The following DTNBP1 variants were observed in gnomAD, a reference collection of about 807,000 sequenced individuals.
The protein encoded by DTNBP1 is dystrobrevin binding protein 1.
A neutral mutation model predicts 42.8 loss-of-function variants in DTNBP1; 35 were observed. That is an observed-to-expected ratio of 0.82 (90% CI 0.63 to 1.09). DTNBP1 has a LOEUF of 1.09. Among genes scored for constraint, DTNBP1 ranks in the 50% least tolerant of loss-of-function variants. The pLI is 0.00. For synonymous variants in DTNBP1, 171 were observed against 162.2 expected (o/e 1.05, Z -0.41); for missense variants, 457 against 424.2 (o/e 1.08, Z -0.68).
At chr6:15,568,346 A>G (rs1775189744) in intron 7 of DTNBP1, among the ~76,000 whole-genome samples, 1 of 152,242 alleles carries the variant, frequency 6.6e-6, no homozygotes, top group South Asian at 2.1e-4. Context: ...ATAAAAATAC[A>G]TAGGTGTCCC....
rs181180593 is a variant in DTNBP1 at position 15,547,092 on chromosome 6, A to C, written c.512-13697T>G. Among the ~76,000 whole-genome samples, 716 of 152,266 alleles carry C rather than the reference A, an allele frequency of 4.7e-3. 5 individuals are homozygous for C. Among genetic ancestry groups the C allele is most frequent in the Middle Eastern group, 0.02 (6 of 294 alleles). ...TACTTATTAACAGTTTGAGGGGAAA[A>C]AATGGAAGAAGTTTAGATCACTACA... is the stretch of plus-strand genomic sequence containing the variant. On this transcript the variant is annotated intron_variant, in intron 7 of 9. Coordinates refer to ENST00000344537, the MANE Select transcript of DTNBP1 (RefSeq NM_032122.5).
At chr6:15,656,100 G>A (rs1011390758) in intron 1 of DTNBP1, among the ~76,000 whole-genome samples, 1 of 152,280 alleles carries the variant, frequency 6.6e-6, no homozygotes, top group Non-Finnish European at 1.5e-5. Flanking sequence ...AAACTACAGA[G>A]CTAATTTCAA....
chr6:15,626,372 T>G (rs988607992), intron 5 of DTNBP1, among the ~76,000 whole-genome samples: 1 of 152,236 alleles, frequency 6.6e-6, no homozygotes, highest in Non-Finnish European at 1.5e-5. Context: ...GTATCTATTT[T>G]GTTCACACAC....
At chr6:15,615,176 T>C (rs1758643534) in intron 6 of DTNBP1, 91 bp downstream of exon 6, 4 of 1,583,356 alleles carry the variant, frequency 2.5e-6, no homozygotes, top group East Asian at 2.2e-5. Flanking sequence ...CTTTGTCTTT[T>C]ATCAGCCGGG....
chr6:15,541,121 T>G lies in DTNBP1; in HGVS notation c.512-7726A>C, dbSNP rs1773535894. 3.3e-5 allele frequency among the ~76,000 whole-genome samples: 5 copies of G among 152,136 alleles called. No individual in the cohort carries two copies. In the South Asian group the frequency reaches 1.0e-3, roughly 32 times the overall value. ...AGCTTCACTGAGGACCGAGTATAGT[T>G]GCACCACACCAGCCACTATTCAGGA... On this transcript the variant is annotated intron_variant, in intron 7 of 9. Coordinates refer to ENST00000344537, the MANE Select transcript of DTNBP1 (RefSeq NM_032122.5).
chr6:15,658,468 G>T (rs116375184), intron 1 of DTNBP1, among the ~76,000 whole-genome samples: 31 of 152,232 alleles, frequency 2.0e-4, no homozygotes, highest in African/African-American at 7.0e-4. Context: ...GCAGGTGGGC[G>T]GCAGGGGCAG....
chr6:15,628,391 T>G (rs1759477096), intron 4 of DTNBP1, among the ~76,000 whole-genome samples: 1 of 146,528 alleles, frequency 6.8e-6, no homozygotes. Context: ...ATCTCAAGAT[T>G]AAGGTTCTTT....
intron 1 of DTNBP1, among the ~76,000 whole-genome samples, chr6:15,659,472 G>A (rs905491489): frequency 6.6e-6 from 1 of 152,040 alleles, no homozygotes; most frequent in African/African-American, 2.4e-5. Flanking sequence ...CTACAGAAAC[G>A]CCAGGTCCAA....
At chr6:15,620,396 C>G (rs1202011100) in intron 5 of DTNBP1, among the ~76,000 whole-genome samples, 1 of 152,106 alleles carries the variant, frequency 6.6e-6, no homozygotes, top group Non-Finnish European at 1.5e-5. Flanking sequence ...TCACTATGAC[C>G]TGGCTGGTCT....
At chr6:15,589,839 T>G (rs528779232) in intron 7 of DTNBP1, among the ~76,000 whole-genome samples, 8 of 152,322 alleles carry the variant, frequency 5.3e-5, no homozygotes, top group Admixed American at 2.0e-4. Flanking sequence ...CCCCTGACTT[T>G]GACCCGGATC....
At chr6:15,636,607 T>A (rs1011626518) in intron 4 of DTNBP1, among the ~76,000 whole-genome samples, 1 of 152,206 alleles carries the variant, frequency 6.6e-6, no homozygotes, top group African/African-American at 2.4e-5. Flanking sequence ...TTGACTCCTT[T>A]AGCCAACAGG....
chr6:15,643,019 AC>A (rs1223435842), intron 3 of DTNBP1, among the ~76,000 whole-genome samples: 1 of 152,248 alleles, frequency 6.6e-6, no homozygotes, highest in Non-Finnish European at 1.5e-5. Flanking sequence ...TTGCAACTAA[AC>A]TCAACAAGAT....
At chr6:15,576,583 C>T (rs1775582578) in intron 7 of DTNBP1, among the ~76,000 whole-genome samples, 1 of 151,736 alleles carries the variant, frequency 6.6e-6, no homozygotes, top group African/African-American at 2.4e-5. Flanking sequence ...CGAGATTAGC[C>T]TGGCCAAAGT....
intron 6 of DTNBP1, among the ~76,000 whole-genome samples, chr6:15,594,420 G>A (rs909473259): frequency 7.3e-5 from 11 of 149,854 alleles, no homozygotes; most frequent in African/African-American, 2.5e-4. Flanking sequence ...AGCCAAGATC[G>A]TACCACTGCA....
At position 15,542,003 on chromosome 6, in the gene DTNBP1, A is replaced by C. The variant is rs189204829; in HGVS notation, c.512-8608T>G. On this transcript the variant is annotated intron_variant, in intron 7 of 9. Transcript: ENST00000344537. Reference sequence around the variant, plus strand: ...TGTTAAAAGAGAAACAGTAACACTTACTACATATGAATTGAGAAAAATTCT... The same window carrying C: ...TGTTAAAAGAGAAACAGTAACACTTCCTACATATGAATTGAGAAAAATTCT... Among the ~76,000 whole-genome samples the C allele has an allele frequency of 6.5e-4, 99 of 152,340 alleles. No individual in the cohort carries two copies. In the East Asian group the frequency reaches 0.016, roughly 25 times the overall value.
In DTNBP1 at chr6:15,634,403, G is replaced by A. The variant is rs1247362824; in HGVS notation, c.222+3341C>T. 2.6e-5 allele frequency among the ~76,000 whole-genome samples: 4 copies of A among 152,034 alleles called. No homozygotes were observed. The East Asian group carries it at 7.7e-4, about 29-fold the overall frequency. On this transcript the variant is annotated intron_variant, in intron 4 of 9. Transcript: ENST00000344537. ...TCAATCTCAGCTCATTACAACCTCT[G>A]CCTCCCAGGTTCAAGTGATTCTCCT... is the stretch of plus-strand genomic sequence containing the variant.
chr6:15,582,824 CTT>C (rs768979580), intron 7 of DTNBP1, among the ~76,000 whole-genome samples: 3 of 152,142 alleles, frequency 2.0e-5, no homozygotes, highest in Non-Finnish European at 4.4e-5. Flanking sequence ...CTATGCTACT[CTT>C]TTATACAACA....
chr6:15,552,840 A>G (rs1014312954), intron 7 of DTNBP1, among the ~76,000 whole-genome samples: 2 of 152,204 alleles, frequency 1.3e-5, no homozygotes, highest in African/African-American at 4.8e-5. Context: ...ACAGAAATAA[A>G]TTATTTTCAT....
intron 7 of DTNBP1, among the ~76,000 whole-genome samples, chr6:15,573,713 G>A (rs1246006542): frequency 2.0e-5 from 3 of 152,048 alleles, no homozygotes; most frequent in African/African-American, 7.2e-5. Context: ...GTTTTCGTTT[G>A]TTTGTTTTTT....
Sources: allele counts gnomAD v4.1 joint callset (sites outside exome capture counted in the v4.1 genomes callset), GRCh38; gene constraint gnomAD v4.1.1; transcripts MANE v1.5; gene names NCBI Gene and HGNC (gene_info 2026-07-23, HGNC 2026-07-21).